WWOX: variants seen among roughly 807,000 people sequenced by gnomAD.
WWOX encodes the protein WW domain containing oxidoreductase.
WWOX carries 69 observed loss-of-function variants against 46.2 expected under a neutral mutation model. That is an observed-to-expected ratio of 1.49 (90% confidence interval 1.23 to 1.82). The LOEUF is 1.82. WWOX is among the 40% of genes most tolerant of loss of function. WWOX has a pLI of 0.00. For synonymous variants in WWOX, 359 were observed against 202.6 expected (o/e 1.77, Z -6.56); for missense variants, 919 against 542.6 (o/e 1.69, Z -6.89).
At chr16:78,706,150 C>G (rs1364763907) in intron 8 of WWOX, among the ~76,000 whole-genome samples, 1 of 143,200 alleles carries the variant, frequency 7.0e-6, no homozygotes, top group Non-Finnish European at 1.5e-5. Flanking sequence ...TTAATTAAGG[C>G]ATTTCCATCT....
chr16:79,082,077 C>G (rs116840853), intron 8 of WWOX, among the ~76,000 whole-genome samples: 2 of 152,100 alleles, frequency 1.3e-5, no homozygotes, highest in South Asian at 2.1e-4. Flanking sequence ...CCTTGCCAAG[C>G]GAAAATACAG....
intron 8 of WWOX, among the ~76,000 whole-genome samples, chr16:78,915,698 T>TTA (rs1555566770): frequency 2.3e-4 from 34 of 151,098 alleles, no homozygotes; most frequent in South Asian, 1.1e-3. Context: ...CAAAGCCATT[T>TTA]AAAAAAAAAA....
chr16:79,049,993 G>T (rs1398190554), intron 8 of WWOX, among the ~76,000 whole-genome samples: 1 of 152,106 alleles, frequency 6.6e-6, no homozygotes, highest in African/African-American at 2.4e-5. Context: ...CTGAGGGAAG[G>T]CCAGTGTGAT....
chr16:78,604,781 C>T (rs1190918774), intron 8 of WWOX, among the ~76,000 whole-genome samples: 1 of 1,902 alleles, frequency 5.3e-4, no homozygotes, highest in African/African-American at 2.3e-3. Context: ...CTTCCCCCCT[C>T]CCTCCTTCCC....
At chr16:78,731,320 T>C (rs1283293725) in intron 8 of WWOX, among the ~76,000 whole-genome samples, 1 of 152,162 alleles carries the variant, frequency 6.6e-6, no homozygotes, top group African/African-American at 2.4e-5. Flanking sequence ...CCAATTCCTC[T>C]GCTTTTTCAG....
chr16:78,776,452 G>C (rs1458551917), intron 8 of WWOX, among the ~76,000 whole-genome samples: 1 of 152,152 alleles, frequency 6.6e-6, no homozygotes, highest in East Asian at 1.9e-4. Context: ...GGGGATTCCA[G>C]TGGTTATTAT....
At chr16:78,919,732 G>A (rs1272299693) in intron 8 of WWOX, among the ~76,000 whole-genome samples, 1 of 151,936 alleles carries the variant, frequency 6.6e-6, no homozygotes, top group African/African-American at 2.4e-5. Flanking sequence ...GGCCCAGCTG[G>A]TCTCGAACTC....
chr16:78,675,593 A>C (rs1417126255), intron 8 of WWOX, among the ~76,000 whole-genome samples: 1 of 151,942 alleles, frequency 6.6e-6, no homozygotes, highest in Non-Finnish European at 1.5e-5. Context: ...CAGTGAAAAG[A>C]CTCCCGCCCT....
chr16:78,650,643 T>C (rs1490852851), intron 8 of WWOX, among the ~76,000 whole-genome samples: 3 of 152,214 alleles, frequency 2.0e-5, no homozygotes, highest in African/African-American at 7.2e-5. Context: ...TTTATTATAA[T>C]GGAGGTGTTC....
intron 8 of WWOX, among the ~76,000 whole-genome samples, chr16:78,672,823 C>T (rs751309466): frequency 3.9e-5 from 6 of 152,144 alleles, no homozygotes; most frequent in Non-Finnish European, 7.3e-5. Flanking sequence ...CTGACTTGAT[C>T]GGAGTTCTAT....
rs146969749 is a variant in WWOX, at chr16:79,017,761, C to T, written c.1057-193847C>T. ...AGCCATGGGTTATTTTGTCATGGCA[C>T]GTTTTGATATGAATATTTCCACCCC... On this transcript the variant is annotated intron_variant, in intron 8 of 8. Coordinates refer to ENST00000566780, the MANE Select transcript of WWOX (RefSeq NM_016373.4). Among the ~76,000 whole-genome samples the T allele has an allele frequency of 3.1e-3, 469 of 151,798 alleles. 2 individuals are homozygous for T. The highest frequency in any genetic ancestry group is 0.01 in the African/African-American group (434 of 41,392).
At chr16:78,600,641 T>C (rs1001714371) in intron 8 of WWOX, among the ~76,000 whole-genome samples, 1 of 152,138 alleles carries the variant, frequency 6.6e-6, no homozygotes, top group Non-Finnish European at 1.5e-5. Flanking sequence ...TGACTGAGAC[T>C]ATAATCTTCT....
intron 8 of WWOX, chr16:78,691,317 T>C (rs1391786608): frequency 1.4e-6 from 1 of 700,214 alleles, no homozygotes; most frequent in Admixed American, 2.0e-5. Context: ...TGTAAAAGAT[T>C]TACAATTATT....
chr16:78,297,799 A>G (rs2079966420), intron 5 of WWOX, among the ~76,000 whole-genome samples: 1 of 152,076 alleles, frequency 6.6e-6, no homozygotes, highest in East Asian at 1.9e-4. Flanking sequence ...CCTCCCTTTA[A>G]TAGCCTTAAA....
At chr16:78,448,232 G>A (rs953843734) in intron 8 of WWOX, among the ~76,000 whole-genome samples, 7 of 152,132 alleles carry the variant, frequency 4.6e-5, no homozygotes, top group Non-Finnish European at 1.0e-4. Flanking sequence ...GCTGACCAAA[G>A]GAGCACAGTA....
intron 8 of WWOX, among the ~76,000 whole-genome samples, chr16:79,174,377 G>A (rs957057638): frequency 6.6e-6 from 1 of 152,220 alleles, no homozygotes; most frequent in East Asian, 1.9e-4. Context: ...AGCCGGGTGT[G>A]GTGGCTCACG....
In WWOX at chr16:79,094,513, A is replaced by C. The variant is rs2049030149; in HGVS notation, c.1057-117095A>C. 2.0e-5 allele frequency among the ~76,000 whole-genome samples: 3 copies of C among 152,098 alleles called. No individual in the cohort carries two copies. In the South Asian group the frequency reaches 6.2e-4, roughly 32 times the overall value. On this transcript the variant is annotated intron_variant, in intron 8 of 8. Transcript: ENST00000566780. ...GCAGTCTGCCCACCTCGGCCTCCCA[A>C]AGTGCTGGGATGACGGGTGTGAGCC...
intron 8 of WWOX, among the ~76,000 whole-genome samples, chr16:78,811,059 A>C (rs2051175596): frequency 6.6e-6 from 1 of 152,200 alleles, no homozygotes; most frequent in African/African-American, 2.4e-5. Flanking sequence ...AAGGGACAGG[A>C]AAGCAGTGTG....
At chr16:78,955,847 T>C (rs1020218777) in intron 8 of WWOX, among the ~76,000 whole-genome samples, 14 of 151,934 alleles carry the variant, frequency 9.2e-5, no homozygotes, top group Admixed American at 4.6e-4. Context: ...TCTCACTATG[T>C]TTCCCAGGCT....
Sources: allele counts gnomAD v4.1 joint callset (sites outside exome capture counted in the v4.1 genomes callset), GRCh38; gene constraint gnomAD v4.1.1; transcripts MANE v1.5; gene names NCBI Gene and HGNC (gene_info 2026-07-23, HGNC 2026-07-21).